Variants in CAMTA2 observed in about 807,000 individuals in gnomAD.
CAMTA2 encodes calmodulin-binding transcription activator 2.
CAMTA2 carries 56 observed loss-of-function variants against 135.7 expected under a neutral mutation model. The observed-to-expected ratio is 0.41, with a 90% confidence interval of 0.33 to 0.52. The LOEUF (loss-of-function observed/expected upper bound fraction) is 0.52. Among genes scored for constraint, CAMTA2 ranks in the 20% least tolerant of loss-of-function variants. The probability of loss-of-function intolerance (pLI) is 0.16; values close to 1 mark genes in which losing one functional copy is unlikely to be tolerated. For synonymous variants in CAMTA2, 591 were observed against 604.6 expected (o/e 0.98, Z 0.33); for missense variants, 1,358 against 1,553.4 (o/e 0.87, Z 2.11).
chr17:4,987,524 T>C, intron 1 of CAMTA2, 69 bp downstream of exon 1: 1 of 1,436,866 alleles, frequency 7.0e-7, no homozygotes, highest in Non-Finnish European at 9.2e-7. Context: ...GCGCTCCGCG[T>C]CGGGACCTGG....
chr17:4,968,661 AGCTGCCGACAGGGGCTCCC>A lies in CAMTA2; in HGVS notation c.*76_*94del. On this transcript the variant is annotated 3_prime_UTR_variant, in exon 23 of 23. Transcript: ENST00000348066. The stretch of plus-strand genomic sequence containing the variant: ...GGGCTCCAACAAAGGTGAACAGGAA[AGCTGCCGACAGGGGCTCCC>A]CCTGCCCCAGAAAGCCCTCTCCCTG... 1.4e-6 allele frequency: 2 copies of A among 1,437,140 alleles called. No individual in the cohort carries two copies. The highest frequency in any genetic ancestry group is 1.9e-6 in the Non-Finnish European group (2 of 1,033,400). 89.0% of individuals were successfully genotyped at this position (1,437,140 alleles called of 1,614,324 possible).
chr17:4,970,632 G>T (rs958683472), intron 16 of CAMTA2, 96 bp from the exon 17 acceptor site: 2 of 1,032,098 alleles, frequency 1.9e-6, no homozygotes, highest in African/African-American at 3.1e-5. Flanking sequence ...TCCCTGCCAG[G>T]TGCTGCTAAC....
Position 4,974,221 on chromosome 17 carries a change from G to C in CAMTA2, c.2016+164C>G, listed in dbSNP as rs1972476095. On this transcript the variant is annotated intron_variant, in intron 12 of 22. Transcript: ENST00000348066. ...GAGGGTGCCCAGAATAGCCACTCTT[G>C]CCACAAGGTGGGGATGGGAACAGGG... 6.6e-6 allele frequency: 4 copies of C among 602,200 alleles called. No homozygotes were observed. The East Asian group carries it at 1.1e-4, about 17-fold the overall frequency. 37.3% of individuals were successfully genotyped at this position (602,200 alleles called of 1,614,324 possible).
At chr17:4,974,671 C>G (rs1972511243) in intron 11 of CAMTA2, 171 bp from the exon 12 acceptor site, 1 of 572,658 alleles carries the variant, frequency 1.7e-6, no homozygotes, top group Non-Finnish European at 3.2e-6. Context: ...CACCAGGACT[C>G]AGTCCTTAAA....
In CAMTA2 at chr17:4,985,992, A is replaced by T; in HGVS notation, c.32-9T>A. ...CAGGTGGTGGCTGTTTTCTAAAGGGAATTAGAAGGGAGGGTTTAGTGTGCT... is the reference window on the plus strand; with the variant it reads ...CAGGTGGTGGCTGTTTTCTAAAGGGTATTAGAAGGGAGGGTTTAGTGTGCT... On this transcript the variant is annotated splice_polypyrimidine_tract_variant and intron_variant, in intron 2 of 22. Transcript: ENST00000348066. 1 of 1,594,266 alleles carries T rather than the reference A, an allele frequency of 6.3e-7. No homozygotes were observed.
rs762618728 is a variant in CAMTA2 at position 4,974,536 on chromosome 17, G to A, written c.1901-36C>T. On this transcript the variant is annotated intron_variant, in intron 11 of 22. Coordinates refer to ENST00000348066, the MANE Select transcript of CAMTA2 (RefSeq NM_015099.4). ...ACGGGTATGGGAGGCTGAGTGGGCA[G>A]TCTAGGTGATGCCCTGAACACCAAA... 4 of 1,315,590 alleles carry A rather than the reference G, an allele frequency of 3.0e-6. No individual in the cohort carries two copies. In the South Asian group the frequency reaches 4.7e-5, roughly 15 times the overall value. 81.5% of individuals were successfully genotyped at this position (1,315,590 alleles called of 1,614,324 possible).
chr17:4,972,733 A>G (rs751296544), intron 15 of CAMTA2, 36 bp downstream of exon 15: 11 of 1,587,302 alleles, frequency 6.9e-6, no homozygotes, highest in African/African-American at 1.3e-5. Context: ...CCTCCTACCT[A>G]CATCCCTCTC....
chr17:4,981,503 T>C, intron 7 of CAMTA2, 144 bp from the exon 8 acceptor site: 2 of 1,308,946 alleles, frequency 1.5e-6, no homozygotes, highest in African/African-American at 3.0e-5. Context: ...CTCAGATATG[T>C]TGCTTTAGTC....
Position 4,980,392 on chromosome 17 carries a change from G to T in CAMTA2, c.930C>A (p.Ser310Arg), listed in dbSNP as rs768653158. 1.2e-6 allele frequency: 2 copies of T among 1,613,954 alleles called. No individual in the cohort carries two copies. The highest frequency in any genetic ancestry group is 1.7e-6 in the Non-Finnish European group (2 of 1,179,994). ...AAGAACCCCCTCGAGAAGTGGGAGG[G>T]CTAGGTCTGATTTCTAGGGGCTCTG... ...GFAEPLEIRP[S>R]PPTSRGGSSR... is the part of the protein sequence containing the mutation. The change falls in exon 9 of 23, where the codon AGC becomes AGA. Residue 310 changes from serine to arginine, a missense_variant. Transcript: ENST00000348066. This position sits in a 1 kb window ranked among gnomAD's most constrained non-coding sequence, Gnocchi z 5.3.
At position 4,981,261 on chromosome 17, in the gene CAMTA2, G is replaced by C; in HGVS notation, c.664C>G (p.Pro222Ala). The change falls in exon 8 of 23, where the codon CCC (proline) becomes GCC (alanine). Residue 222 changes from proline (P) to alanine (A), a missense_variant. Around this residue, in one of 4 missense-constraint regions of CAMTA2, gnomAD observed 1,077 missense variants for 1,127.5 expected, o/e 0.96. Transcript: ENST00000348066. ...ILDTHPTKPAPRTHACLCSGG... is the reference protein window; with the variant it reads ...ILDTHPTKPAARTHACLCSGG... The stretch of plus-strand genomic sequence containing the variant: ...CTGCAGAGACAGGCGTGGGTTCGGG[G>C]AGCAGGCTTGGTTGGGTGGGTGTCC... The C allele has an allele frequency of 1.2e-6, 2 of 1,614,090 alleles. No homozygotes were observed. The highest frequency in any genetic ancestry group is 2.2e-5 in the South Asian group (2 of 91,084).
intron 3 of CAMTA2, among the ~76,000 whole-genome samples, chr17:4,984,890 G>A (rs796566046): frequency 1.3e-5 from 2 of 152,292 alleles, no homozygotes; most frequent in African/African-American, 4.8e-5. Context: ...GTGGTGGCGT[G>A]CCTGTAGTCC....
intron 1 of CAMTA2, chr17:4,987,008 T>A (rs900017292): frequency 1.4e-6 from 2 of 1,446,102 alleles, no homozygotes; most frequent in Non-Finnish European, 1.8e-6. Flanking sequence ...GGGGAACAGA[T>A]GGGAGCTGGC....
intron 5 of CAMTA2, 185 bp from the exon 6 acceptor site, chr17:4,982,345 G>T: frequency 1.6e-6 from 1 of 615,000 alleles, no homozygotes; most frequent in Non-Finnish European, 2.9e-6. Context: ...ATGAGCAGTG[G>T]GGCTGGGGCC....
rs764839060 is a variant in CAMTA2, at chr17:4,972,888, G to A, written c.2384C>T (p.Ser795Phe). 1.7e-5 allele frequency: 28 copies of A among 1,613,928 alleles called. No homozygotes were observed. Among genetic ancestry groups the A allele is most frequent in the Non-Finnish European group, 2.4e-5 (28 of 1,180,020 alleles). ...IPDSLGRLPL[S>F]VAHSRGHVRL... ...CACATGACCCCGGGAATGAGCCACA[G>A]ACAATGGCAGACGGCCCAGAGAGTC... Residue 795 changes from serine (S) to phenylalanine (F), a missense_variant, in exon 15 of 23, where the codon TCT becomes TTT. Around this residue, in one of 4 missense-constraint regions of CAMTA2, gnomAD observed 1,077 missense variants for 1,127.5 expected, o/e 0.96. Transcript: ENST00000348066.
chr17:4,976,380 A>G (rs1033394793), intron 11 of CAMTA2, among the ~76,000 whole-genome samples: 1 of 152,188 alleles, frequency 6.6e-6, no homozygotes, highest in African/African-American at 2.4e-5. Flanking sequence ...TTTATATCAG[A>G]AAAGGAAAAA....
Position 4,969,606 on chromosome 17 carries a change from A to C in CAMTA2, c.3261+24T>G. 3 of 1,613,920 alleles carry C rather than the reference A, an allele frequency of 1.9e-6. No individual in the cohort carries two copies. The highest frequency in any genetic ancestry group is 1.1e-5 in the South Asian group (1 of 91,076). ...TGTGGGTTGGTGGGTTGCTGGTTAC[A>C]CTTTTGAGGGAGAAGGGTCTCACCT... On this transcript the variant is annotated intron_variant, in intron 19 of 22. Coordinates refer to ENST00000348066, the MANE Select transcript of CAMTA2 (RefSeq NM_015099.4). The surrounding 1 kb of genome is among the most constrained non-coding windows in gnomAD (Gnocchi z 5.6).
rs1357900140 is a variant in CAMTA2, at chr17:4,982,820, C to T, written c.276G>A (p.Lys92=). The change falls in exon 5 of 23, where the codon AAG becomes AAA. Residue 92 remains lysine (K), a synonymous_variant. Coordinates refer to ENST00000348066, the MANE Select transcript of CAMTA2 (RefSeq NM_015099.4). ...GGGTGGTCTTCCCATCCTTCCGCTT[C>T]TTCCAGAGGTAACCATCCTTCCGAT... The part of the protein sequence containing the change: ...VKYRKDGYLW[K]KRKDGKTTRE... 1 of 1,614,196 alleles carries T rather than the reference C, an allele frequency of 6.2e-7. No homozygotes were observed. The highest frequency in any genetic ancestry group is 1.1e-5 in the South Asian group (1 of 91,080).
In CAMTA2 at chr17:4,970,428, T is replaced by G. The variant is rs1241833085; in HGVS notation, c.2917A>C (p.Thr973Pro). 6.2e-7 allele frequency: 1 copy of G among 1,614,098 alleles called. No individual in the cohort carries two copies. The highest frequency in any genetic ancestry group is 8.5e-7 in the Non-Finnish European group (1 of 1,180,044). The change falls in exon 17 of 23, where the codon ACA (threonine) becomes CCA (proline). Residue 973 changes from threonine (T) to proline (P), a missense_variant. Around this residue, in one of 4 missense-constraint regions of CAMTA2, gnomAD observed 1,077 missense variants for 1,127.5 expected, o/e 0.96. Transcript: ENST00000348066. Reference sequence around the variant, plus strand: ...GTCTCACTGAGCCCCACAGCCCCTGTCCGCTCCCGCATTGAGGCTCCAGCC... The same window carrying G: ...GTCTCACTGAGCCCCACAGCCCCTGGCCGCTCCCGCATTGAGGCTCCAGCC... ...PEAGASMRER[T>P]GAVGLSETMS...
Position 4,983,047 on chromosome 17 carries a change from T to C in CAMTA2, c.136-4A>G, listed in dbSNP as rs767574169. The C allele has an allele frequency of 5.0e-6, 8 of 1,612,768 alleles. No individual in the cohort carries two copies. The Admixed American group carries it at 6.7e-5, about 13-fold the overall frequency. ...TGATCAGGTAGGATGCAATCTCCTG[T>C]AGGAGAGGAGGCACTCAGCTGGGCA... On this transcript the variant is annotated splice_polypyrimidine_tract_variant and splice_region_variant and intron_variant, in intron 3 of 22. Coordinates refer to ENST00000348066, the MANE Select transcript of CAMTA2 (RefSeq NM_015099.4).
Sources: gnomAD v4.1 joint callset for allele counts (sites outside exome capture counted in the v4.1 genomes callset) on GRCh38, gnomAD v4.1.1 for gene constraint, gnomAD v4.1.1 regional missense constraint, Gnocchi (gnomAD v3.1) non-coding constraint, MANE v1.5 for transcripts, NCBI Gene and HGNC (gene_info 2026-07-23, HGNC 2026-07-21) for gene names.